SDK1: variants seen among roughly 807,000 people sequenced by gnomAD.
SDK1 encodes the protein sidekick cell adhesion molecule 1.
SDK1 carries 157 observed loss-of-function variants against 245.5 expected under a neutral mutation model. The observed-to-expected ratio is 0.64, with a 90% CI of 0.56 to 0.73. The LOEUF (loss-of-function observed/expected upper bound fraction) is 0.73. Among genes scored for constraint, SDK1 ranks in the 30% least tolerant of loss-of-function variants. The probability of loss-of-function intolerance (pLI) is 0.00; values close to 1 mark genes in which losing one functional copy is unlikely to be tolerated. For missense variants in SDK1, 3,583 were observed against 3,002.3 expected (o/e 1.19, Z -4.52); for synonymous variants, 1,647 against 1,278.5 (o/e 1.29, Z -6.15).
intron 1 of SDK1, among the ~76,000 whole-genome samples, chr7:3,427,308 C>T (rs953943534): frequency 6.6e-6 from 1 of 152,212 alleles, no homozygotes; most frequent in East Asian, 1.9e-4. Context: ...TGCCTGAGGT[C>T]AGGAGTTCGA....
At chr7:3,469,719 C>G in intron 1 of SDK1, among the ~76,000 whole-genome samples, 2 of 152,218 alleles carry the variant, frequency 1.3e-5, no homozygotes, top group South Asian at 4.1e-4. Context: ...TTTTTCCTTC[C>G]TAGCCATTGA....
At chr7:3,614,682 A>G (rs565098312) in intron 1 of SDK1, among the ~76,000 whole-genome samples, 8 of 152,294 alleles carry the variant, frequency 5.3e-5, no homozygotes, top group African/African-American at 9.6e-5. Context: ...ATGTATTTCA[A>G]TGGTAAATAG....
At chr7:3,952,605 G>T (rs1229783901) in intron 7 of SDK1, among the ~76,000 whole-genome samples, 1 of 151,756 alleles carries the variant, frequency 6.6e-6, no homozygotes, top group East Asian at 1.9e-4. Context: ...TATTAATTTA[G>T]AAATTATTCT....
chr7:3,556,572 G>C (rs967676002), intron 1 of SDK1, among the ~76,000 whole-genome samples: 1 of 152,124 alleles, frequency 6.6e-6, no homozygotes, highest in Admixed American at 6.5e-5. Context: ...TGTAATCCCA[G>C]CACTTTGGGA....
intron 4 of SDK1, among the ~76,000 whole-genome samples, chr7:3,695,945 G>A (rs1248585821): frequency 6.6e-6 from 1 of 152,096 alleles, no homozygotes; most frequent in African/African-American, 2.4e-5. Flanking sequence ...TGCAGCATTT[G>A]GAGTTGCTGA....
At chr7:3,459,886 A>G (rs1302100628) in intron 1 of SDK1, among the ~76,000 whole-genome samples, 1 of 152,192 alleles carries the variant, frequency 6.6e-6, no homozygotes, top group Non-Finnish European at 1.5e-5. Context: ...AAGAGAAGGT[A>G]TCTCTCGTGT....
intron 17 of SDK1, among the ~76,000 whole-genome samples, chr7:4,030,717 C>T (rs1787746474): frequency 6.6e-6 from 1 of 152,178 alleles, no homozygotes; most frequent in African/African-American, 2.4e-5. Context: ...CGTATGTATT[C>T]CAGCTTGCGT....
At chr7:4,067,381 G>A (rs907883020) in intron 19 of SDK1, among the ~76,000 whole-genome samples, 1 of 152,160 alleles carries the variant, frequency 6.6e-6, no homozygotes, top group Non-Finnish European at 1.5e-5. Context: ...CTGGAGTTCT[G>A]GACCAGGTTG....
chr7:3,823,388 TTG>T (rs1779694445), intron 5 of SDK1, among the ~76,000 whole-genome samples: 1 of 152,122 alleles, frequency 6.6e-6, no homozygotes, highest in Admixed American at 6.5e-5. Context: ...AACAAGGAAG[TTG>T]GCCTTCCTCT....
intron 4 of SDK1, among the ~76,000 whole-genome samples, chr7:3,687,791 G>C (rs953301431): frequency 6.6e-6 from 1 of 152,144 alleles, no homozygotes; most frequent in East Asian, 1.9e-4. Flanking sequence ...TGATGGAAAC[G>C]CTGTGTGTCT....
chr7:3,792,774 C>A (rs1017828877), intron 4 of SDK1, among the ~76,000 whole-genome samples: 1 of 152,094 alleles, frequency 6.6e-6, no homozygotes, highest in African/African-American at 2.4e-5. Context: ...AGTCTCCCAT[C>A]CACCCATCCA....
intron 1 of SDK1, among the ~76,000 whole-genome samples, chr7:3,549,942 A>G (rs527641516): frequency 2.0e-5 from 3 of 152,300 alleles, no homozygotes; most frequent in Admixed American, 6.5e-5. Flanking sequence ...AAATGAAACA[A>G]TGCAGCTTTA....
At chr7:3,651,509 A>G (rs930367729) in intron 4 of SDK1, among the ~76,000 whole-genome samples, 1 of 152,226 alleles carries the variant, frequency 6.6e-6, no homozygotes, top group Non-Finnish European at 1.5e-5. Context: ...ATTACTCAGA[A>G]TAAAACACAG....
At chr7:3,641,820 G>C in intron 3 of SDK1, 138 bp from the exon 4 acceptor site, 1 of 710,972 alleles carries the variant, frequency 1.4e-6, no homozygotes. Context: ...CAGCGCTGCC[G>C]TGCAGTCTCG....
chr7:3,995,531 A>G (rs780193940), intron 14 of SDK1, among the ~76,000 whole-genome samples: 50 of 152,242 alleles, frequency 3.3e-4, no homozygotes, highest in Non-Finnish European at 6.5e-4. Context: ...CCAATGGGCA[A>G]ACAGCCTTTA....
At chr7:3,553,511 T>A (rs1779482888) in intron 1 of SDK1, among the ~76,000 whole-genome samples, 1 of 152,104 alleles carries the variant, frequency 6.6e-6, no homozygotes, top group Admixed American at 6.6e-5. Flanking sequence ...TCACATTCCC[T>A]CACCCATCAG....
intron 4 of SDK1, among the ~76,000 whole-genome samples, chr7:3,651,282 G>A (rs918558330): frequency 2.0e-5 from 3 of 152,058 alleles, no homozygotes; most frequent in Admixed American, 6.6e-5. Flanking sequence ...TCTCATAGGT[G>A]TATAATGATA....
intron 34 of SDK1, among the ~76,000 whole-genome samples, chr7:4,176,651 A>AC (rs1021847192): frequency 2.0e-5 from 3 of 151,898 alleles, no homozygotes; most frequent in African/African-American, 7.3e-5. Context: ...AATTCGTTAT[A>AC]CCCCTCCCCA....
chr7:3,584,731 A>ATT (rs10683288), intron 1 of SDK1, among the ~76,000 whole-genome samples: 21,446 of 146,300 alleles, frequency 0.15, 1,776 homozygotes, highest in Middle Eastern at 0.23. Flanking sequence ...ACTTCACGTT[A>ATT]TTTTTTTTTT....
Sources: gnomAD v4.1 joint callset for allele counts (sites outside exome capture counted in the v4.1 genomes callset) on GRCh38, gnomAD v4.1.1 for gene constraint, MANE v1.5 for transcripts, NCBI Gene and HGNC (gene_info 2026-07-23, HGNC 2026-07-21) for gene names.